DPYSL5: variants seen among roughly 807,000 people sequenced by gnomAD.
DPYSL5 encodes dihydropyrimidinase like 5.
In DPYSL5, 9 loss-of-function variants were observed where a neutral mutation model predicts 58.4. That is an observed-to-expected ratio of 0.15 (90% CI 0.09 to 0.27). DPYSL5 has a LOEUF of 0.27. DPYSL5 is among the 10% of genes least tolerant of loss of function. The pLI is 1.00. For missense variants in DPYSL5, 499 were observed against 770.6 expected (o/e 0.65, Z 4.17); for synonymous variants, 293 against 301.9 (o/e 0.97, Z 0.31).
chr2:26,942,184 C>T lies in DPYSL5; in HGVS notation c.1232+92C>T. 2.6e-6 allele frequency: 4 copies of T among 1,556,254 alleles called. No homozygotes were observed. Among genetic ancestry groups the T allele is most frequent in the Non-Finnish European group, 3.5e-6 (4 of 1,149,844 alleles). ...ATCTCCAAAAGCATATAATTTTGCA[C>T]TATTTCTAGCACAAAATATGGCCCT... On this transcript the variant is annotated intron_variant, in intron 10 of 12. Coordinates refer to ENST00000288699, the MANE Select transcript of DPYSL5 (RefSeq NM_020134.4). This position sits in a 1 kb window ranked among gnomAD's most constrained non-coding sequence, Gnocchi z 5.9.
At chr2:26,910,110 G>A (rs190649452) in intron 2 of DPYSL5, among the ~76,000 whole-genome samples, 18 of 152,252 alleles carry the variant, frequency 1.2e-4, no homozygotes, top group African/African-American at 4.3e-4. Context: ...GGAGCAATGC[G>A]ATATGCATTC....
rs932616351 is a variant in DPYSL5, at chr2:26,949,510, C to G, written c.*2515C>G. ...GCACACCATCTCTATCCCTGTCAGC[C>G]CTCACTGGGTCATGGGCCTTGGGCA... On this transcript the variant is annotated 3_prime_UTR_variant, in exon 13 of 13. Transcript: ENST00000288699. The G allele has an allele frequency of 6.6e-6, 1 of 152,310 alleles. No homozygotes were observed. The highest frequency in any genetic ancestry group is 1.5e-5 in the Non-Finnish European group (1 of 68,144). The allele number at this position is 152,310 out of a possible 1,614,324, so 9.4% of individuals were successfully genotyped here.
intron 1 of DPYSL5, among the ~76,000 whole-genome samples, chr2:26,867,455 GTTTGT>G (rs1558323467): frequency 1.5e-5 from 2 of 132,172 alleles, no homozygotes; most frequent in African/African-American, 6.0e-5. Context: ...TTTTTTTTTT[GTTTGT>G]TTTTTTTTTT....
In DPYSL5 at chr2:26,942,496, T is replaced by C. The variant is rs1230420406; in HGVS notation, c.1233-47T>C. On this transcript the variant is annotated intron_variant, in intron 10 of 12. Transcript: ENST00000288699. The surrounding 1 kb of genome is among the most constrained non-coding windows in gnomAD (Gnocchi z 5.9). ...ACCCCTCCCATGGAGCTGTGACATT[T>C]TGACCTGTCCTCAGCGCTTTCTCTC... The C allele has an allele frequency of 8.9e-6, 14 of 1,573,110 alleles. No homozygotes were observed. Among genetic ancestry groups the C allele is most frequent in the Admixed American group, 1.8e-5 (1 of 54,282 alleles).
chr2:26,851,855 G>A (rs901275070), intron 1 of DPYSL5, among the ~76,000 whole-genome samples: 1 of 152,162 alleles, frequency 6.6e-6, no homozygotes, highest in African/African-American at 2.4e-5. Context: ...GGCTGAGGTG[G>A]AGAATCACTT....
At chr2:26,931,148 A>ATAT (rs1433919089) in intron 5 of DPYSL5, among the ~76,000 whole-genome samples, 1 of 39,342 alleles carries the variant, frequency 2.5e-5, no homozygotes, top group African/African-American at 7.2e-5. Context: ...AAAAAAAAAA[A>ATAT]AAAAATATAT....
chr2:26,883,322 AC>A (rs1663621856), intron 1 of DPYSL5, among the ~76,000 whole-genome samples: 1 of 152,056 alleles, frequency 6.6e-6, no homozygotes, highest in Non-Finnish European at 1.5e-5. Context: ...ATGCCTACGT[AC>A]TATAATTCCC....
chr2:26,940,949 T>G (rs531829241), intron 9 of DPYSL5, among the ~76,000 whole-genome samples: 34 of 142,130 alleles, frequency 2.4e-4, no homozygotes, highest in African/African-American at 8.5e-4. Flanking sequence ...TTATTTTTTT[T>G]TGTGTGTGAT....
chr2:26,942,216 C>T lies in DPYSL5; in HGVS notation c.1232+124C>T. On this transcript the variant is annotated intron_variant, in intron 10 of 12. Coordinates refer to ENST00000288699, the MANE Select transcript of DPYSL5 (RefSeq NM_020134.4). The surrounding 1 kb of genome is among the most constrained non-coding windows in gnomAD (Gnocchi z 5.9). ...TAGCACAAAATATGGCCCTGGCCTA[C>T]CGTTGGCCATCTTCTCCCTCCATCT... 2 of 1,408,980 alleles carry T rather than the reference C, an allele frequency of 1.4e-6. No homozygotes were observed. Among genetic ancestry groups the T allele is most frequent in the African/African-American group, 1.4e-5 (1 of 69,566 alleles). 87.3% of individuals were successfully genotyped at this position (1,408,980 alleles called of 1,614,324 possible).
At chr2:26,931,534 GC>G (rs1184032406) in intron 5 of DPYSL5, 105 bp from the exon 6 acceptor site, 4 of 1,426,982 alleles carry the variant, frequency 2.8e-6, no homozygotes, top group Non-Finnish European at 3.9e-6. Context: ...TTTGCCCCGA[GC>G]CAACCCCTAT....
chr2:26,860,527 CT>C (rs1665984647), intron 1 of DPYSL5, among the ~76,000 whole-genome samples: 1 of 152,204 alleles, frequency 6.6e-6, no homozygotes, highest in South Asian at 2.1e-4. Context: ...AGCAGTACCA[CT>C]GCTAGCAATT....
intron 8 of DPYSL5, among the ~76,000 whole-genome samples, chr2:26,938,127 C>T (rs1467030795): frequency 6.6e-6 from 1 of 152,192 alleles, no homozygotes; most frequent in Non-Finnish European, 1.5e-5. Flanking sequence ...CTTCCTACCT[C>T]CCAGATTCAG....
rs964814494 is a variant in DPYSL5 at position 26,933,427 on chromosome 2, C to T, written c.790+94C>T. The T allele has an allele frequency of 8.2e-7, 1 of 1,226,502 alleles. No homozygotes were observed. The highest frequency in any genetic ancestry group is 1.8e-5 in the Admixed American group (1 of 55,354). The allele number at this position is 1,226,502 out of a possible 1,614,324, so 76.0% of individuals were successfully genotyped here. Reference sequence around the variant, plus strand: ...GCCGTGCTCACTCCTGGCCCCGGCTCCTGAAACCAGGACCTGAGCCAGCCC... The same window carrying T: ...GCCGTGCTCACTCCTGGCCCCGGCTTCTGAAACCAGGACCTGAGCCAGCCC... On this transcript the variant is annotated intron_variant, in intron 7 of 12. Transcript: ENST00000288699. This position sits in a 1 kb window ranked among gnomAD's most constrained non-coding sequence, Gnocchi z 4.2.
Position 26,942,138 on chromosome 2 carries a change from T to C in DPYSL5, c.1232+46T>C. On this transcript the variant is annotated intron_variant, in intron 10 of 12. Transcript: ENST00000288699. The surrounding 1 kb of genome is among the most constrained non-coding windows in gnomAD (Gnocchi z 5.9). ...CCAGGGCTAGAGGGGCTTGGGATTT[T>C]GAAGAAGACTTGCATTACAGATCTC... 6.2e-7 allele frequency: 1 copy of C among 1,607,924 alleles called. No individual in the cohort carries two copies. The highest frequency in any genetic ancestry group is 1.7e-4 in the Middle Eastern group (1 of 6,020).
At chr2:26,940,805 T>G (rs1327538933) in intron 9 of DPYSL5, among the ~76,000 whole-genome samples, 1 of 152,008 alleles carries the variant, frequency 6.6e-6, no homozygotes, top group Admixed American at 6.5e-5. Flanking sequence ...AGTACCATAC[T>G]TTATTTAATC....
At chr2:26,885,121 C>T (rs892139630) in intron 1 of DPYSL5, among the ~76,000 whole-genome samples, 1 of 152,112 alleles carries the variant, frequency 6.6e-6, no homozygotes, top group African/African-American at 2.4e-5. Flanking sequence ...ATTGCTTGAA[C>T]CTGGGAGGTG....
At chr2:26,906,262 C>T (rs1434404242) in intron 2 of DPYSL5, among the ~76,000 whole-genome samples, 1 of 151,216 alleles carries the variant, frequency 6.6e-6, no homozygotes, top group Non-Finnish European at 1.5e-5. Flanking sequence ...CAGCTCACTG[C>T]AACCTCCACT....
rs912665225 is a variant in DPYSL5, at chr2:26,898,897, G to A, written c.261+137G>A. Reference sequence around the variant, plus strand: ...AGGAGAAGGGTGTGTCAGGGCCACTGTGGCAACTACAATAGGGATTTCCGG... The same window carrying A: ...AGGAGAAGGGTGTGTCAGGGCCACTATGGCAACTACAATAGGGATTTCCGG... On this transcript the variant is annotated intron_variant, in intron 2 of 12. Coordinates refer to ENST00000288699, the MANE Select transcript of DPYSL5 (RefSeq NM_020134.4). This position sits in a 1 kb window ranked among gnomAD's most constrained non-coding sequence, Gnocchi z 6.1. 30 of 1,059,734 alleles carry A rather than the reference G, an allele frequency of 2.8e-5. No homozygotes were observed. The Admixed American group carries it at 8.5e-4, about 30-fold the overall frequency. 65.6% of individuals were successfully genotyped at this position (1,059,734 alleles called of 1,614,324 possible).
At position 26,944,759 on chromosome 2, in the gene DPYSL5, C is replaced by T; in HGVS notation, c.1544C>T (p.Pro515Leu). 2 of 1,614,172 alleles carry T rather than the reference C, an allele frequency of 1.2e-6. No homozygotes were observed. The highest frequency in any genetic ancestry group is 2.2e-5 in the South Asian group (2 of 91,084). Residue 515 changes from proline to leucine, a missense_variant, in exon 12 of 13, where the codon CCT becomes CTT. Pro to Leu is a moderately conservative substitution (Grantham distance 98, BLOSUM62 -3). Transcript: ENST00000288699. This position sits in a 1 kb window ranked among gnomAD's most constrained non-coding sequence, Gnocchi z 4.4. Reference protein sequence around the residue: ...KEMGTPLADTPTRPVTRHGGM... With the variant: ...KEMGTPLADTLTRPVTRHGGM... ...ATGGGAACCCCACTCGCAGACACTC[C>T]TACCCGGCCCGTCACCCGGCATGGG...
Sources: gnomAD v4.1 joint callset for allele counts (sites outside exome capture counted in the v4.1 genomes callset) on GRCh38, gnomAD v4.1.1 for gene constraint, Gnocchi (gnomAD v3.1) non-coding constraint, MANE v1.5 for transcripts, NCBI Gene and HGNC (gene_info 2026-07-23, HGNC 2026-07-21) for gene names.